The following FDFT1 variants were observed in gnomAD, a reference collection of about 807,000 sequenced individuals.
FDFT1 encodes squalene synthase.
Under a neutral mutation model 46.8 loss-of-function variants are expected in FDFT1, and 68 were observed. The observed-to-expected ratio is 1.45, with a 90% CI of 1.19 to 1.78. The LOEUF is 1.78. Ranked by LOEUF, FDFT1 falls within the 40% of genes most tolerant of loss-of-function variation. The pLI, the probability that FDFT1 is intolerant of heterozygous loss-of-function variation, is 0.00. For missense variants in FDFT1, 928 were observed against 524.4 expected (o/e 1.77, Z -7.52); for synonymous variants, 351 against 185.1 (o/e 1.90, Z -7.28).
intron 1 of FDFT1, 195 bp downstream of exon 1, chr8:11,803,126 C>T (rs371572514): frequency 2.8e-5 from 40 of 1,431,180 alleles, no homozygotes; most frequent in Admixed American, 1.1e-4. Context: ...GCTGACCTGT[C>T]CCTGCCCCCG....
Position 11,838,566 on chromosome 8 carries a change from T to TCAGGTA in FDFT1, c.1212_1213insAGGTAC (p.Leu404_Ser405insArgTyr), listed in dbSNP as rs755822020. On this transcript the variant is annotated inframe_insertion, in exon 8 of 8. Coordinates refer to ENST00000220584, the MANE Select transcript of FDFT1 (RefSeq NM_004462.5). ...CTGAGCTGGCAGTACCTGACCACTC[T>TCAGGTA]CTCCCAGGTAACAGAAGACTATGTT... 1.9e-6 allele frequency: 3 copies of TCAGGTA among 1,613,764 alleles called. No individual in the cohort carries two copies. The South Asian group carries it at 3.3e-5, about 18-fold the overall frequency.
At chr8:11,829,967 C>T (rs1020519680) in intron 5 of FDFT1, among the ~76,000 whole-genome samples, 26 of 152,114 alleles carry the variant, frequency 1.7e-4, no homozygotes, top group African/African-American at 5.1e-4. Context: ...TCTGTCTCAC[C>T]CTCCTGAGTA....
At chr8:11,816,300 G>A (rs761024852) in intron 3 of FDFT1, among the ~76,000 whole-genome samples, 9 of 152,152 alleles carry the variant, frequency 5.9e-5, no homozygotes, top group Admixed American at 3.9e-4. Context: ...GTCAGGTAGC[G>A]TGATGCCTCC....
At chr8:11,834,522 A>C (rs571708592) in intron 7 of FDFT1, among the ~76,000 whole-genome samples, 1 of 152,218 alleles carries the variant, frequency 6.6e-6, no homozygotes, top group Non-Finnish European at 1.5e-5. Flanking sequence ...TAGCTGCTCA[A>C]GGATGGTCCC....
At chr8:11,812,460 A>T (rs929042807) in intron 3 of FDFT1, among the ~76,000 whole-genome samples, 12 of 152,104 alleles carry the variant, frequency 7.9e-5, no homozygotes, top group African/African-American at 2.7e-4. Context: ...AGAGAGCGGG[A>T]TTCAGGAAGC....
In FDFT1 at chr8:11,832,916, A is replaced by C. The variant is rs990982705; in HGVS notation, c.1032+1246A>C. Among the ~76,000 whole-genome samples the C allele has an allele frequency of 5.3e-5, 8 of 152,154 alleles. 1 individual carries two copies. The highest frequency in any genetic ancestry group is 3.9e-4 in the Admixed American group (6 of 15,266). On this transcript the variant is annotated intron_variant, in intron 7 of 7. Coordinates refer to ENST00000220584, the MANE Select transcript of FDFT1 (RefSeq NM_004462.5). ...TGTGCATCCGTCTAGTCCCCCTGTTACGCGTTTACAGGAATATGGTTTGCA... is the reference window on the plus strand; with the variant it reads ...TGTGCATCCGTCTAGTCCCCCTGTTCCGCGTTTACAGGAATATGGTTTGCA...
chr8:11,799,523 T>C (rs2130632814), upstream of FDFT1, among the ~76,000 whole-genome samples: 1 of 152,308 alleles, frequency 6.6e-6, no homozygotes, highest in South Asian at 2.1e-4. Context: ...GTTCCGTTAG[T>C]CTTATGATCT....
At chr8:11,832,134 A>G (rs1343207385) in intron 7 of FDFT1, among the ~76,000 whole-genome samples, 2 of 152,228 alleles carry the variant, frequency 1.3e-5, no homozygotes, top group African/African-American at 4.8e-5. Flanking sequence ...TAGGCCAAGG[A>G]AAGCCATCAA....
intron 4 of FDFT1, among the ~76,000 whole-genome samples, chr8:11,823,498 C>G (rs576235969): frequency 6.1e-4 from 93 of 152,234 alleles, no homozygotes; most frequent in African/African-American, 2.1e-3. Context: ...TGTCCCAGAA[C>G]AAATTTCAAG....
At chr8:11,828,230 G>A (rs1333782510) in intron 5 of FDFT1, among the ~76,000 whole-genome samples, 2 of 152,130 alleles carry the variant, frequency 1.3e-5, no homozygotes, top group African/African-American at 2.4e-5. Flanking sequence ...CAAGGCTGCA[G>A]TGAACCATGA....
chr8:11,805,997 A>C (rs920090834), intron 1 of FDFT1, among the ~76,000 whole-genome samples: 2 of 152,162 alleles, frequency 1.3e-5, no homozygotes, highest in Non-Finnish European at 2.9e-5. Flanking sequence ...ATGTAAATTT[A>C]TGTAAATTCA....
At position 11,821,763 on chromosome 8, in the gene FDFT1, T is replaced by A; in HGVS notation, c.395T>A (p.Phe132Tyr). The part of the protein sequence containing the change: ...LEDFPTISLE[F>Y]RNLAEKYQTV... ...TTTCCATTTCAGATCTCCCTTGAGT[T>A]TAGAAATCTGGCTGAGAAATACCAA... The change falls in exon 4 of 8, where the codon TTT becomes TAT. Residue 132 changes from phenylalanine (F) to tyrosine (Y), a missense_variant. Coordinates refer to ENST00000220584, the MANE Select transcript of FDFT1 (RefSeq NM_004462.5). The A allele has an allele frequency of 6.2e-7, 1 of 1,613,406 alleles. No homozygotes were observed. Among genetic ancestry groups the A allele is most frequent in the Non-Finnish European group, 8.5e-7 (1 of 1,179,494 alleles).
chr8:11,827,909 C>G (rs1419932085), intron 5 of FDFT1, among the ~76,000 whole-genome samples: 1 of 148,318 alleles, frequency 6.7e-6, no homozygotes, highest in Non-Finnish European at 1.5e-5. Flanking sequence ...ACAAAAAAAA[C>G]AGTAAAAATT....
At chr8:11,838,057 C>G (rs146327416) in intron 7 of FDFT1, among the ~76,000 whole-genome samples, 48 of 152,312 alleles carry the variant, frequency 3.2e-4, no homozygotes, top group African/African-American at 1.1e-3. Flanking sequence ...TCTACGTGAA[C>G]TATGGTGACG....
At chr8:11,828,211 C>G (rs769966732) in intron 5 of FDFT1, among the ~76,000 whole-genome samples, 7 of 152,052 alleles carry the variant, frequency 4.6e-5, no homozygotes, top group Non-Finnish European at 7.3e-5. Flanking sequence ...TTGCCTGAGC[C>G]CAGGAGTTCA....
intron 6 of FDFT1, among the ~76,000 whole-genome samples, 154 bp downstream of exon 6, chr8:11,830,574 G>C (rs1242494590): frequency 1.3e-5 from 2 of 152,170 alleles, no homozygotes; most frequent in South Asian, 2.1e-4. Flanking sequence ...ACCCGCCTTT[G>C]CTTCCAGCCA....
chr8:11,796,633 T>A (rs1039905361), intron 1 of FDFT1, among the ~76,000 whole-genome samples: 5 of 152,128 alleles, frequency 3.3e-5, no homozygotes, highest in Non-Finnish European at 7.4e-5. Context: ...CCTGGGGAAG[T>A]TGGAAGCAGC....
intron 3 of FDFT1, among the ~76,000 whole-genome samples, chr8:11,813,360 C>T (rs940757721): frequency 6.6e-6 from 1 of 152,170 alleles, no homozygotes; most frequent in Admixed American, 6.6e-5. Flanking sequence ...GAGCATTTTA[C>T]TATGAGTTAC....
At chr8:11,816,781 G>C (rs1427642599) in intron 3 of FDFT1, among the ~76,000 whole-genome samples, 1 of 152,078 alleles carries the variant, frequency 6.6e-6, no homozygotes, top group Non-Finnish European at 1.5e-5. Context: ...TGAGACGATG[G>C]GGTTTTCTAA....
Sources: gnomAD v4.1 joint callset for allele counts (sites outside exome capture counted in the v4.1 genomes callset) on GRCh38, gnomAD v4.1.1 for gene constraint, MANE v1.5 for transcripts, NCBI Gene and HGNC (gene_info 2026-07-23, HGNC 2026-07-21) for gene names.